The following SLC4A10 variants were observed in gnomAD, a reference collection of about 807,000 sequenced individuals.
The protein encoded by SLC4A10 is solute carrier family 4 member 10.
SLC4A10 carries 42 observed loss-of-function variants against 137.7 expected under a neutral mutation model. The ratio of observed to expected loss-of-function variants is 0.30; its 90% confidence interval spans 0.24 to 0.39. The LOEUF is 0.39. Among genes scored for constraint, SLC4A10 ranks in the 10% least tolerant of loss-of-function variants. The probability of loss-of-function intolerance (pLI) is 1.00; values close to 1 mark genes in which losing one functional copy is unlikely to be tolerated. For missense variants in SLC4A10, 925 were observed against 1,355.0 expected, an observed-to-expected ratio of 0.68 and a Z score of 4.98; for synonymous variants, 474 against 464.1, an observed-to-expected ratio of 1.02 and a Z score of -0.27.
intron 2 of SLC4A10, among the ~76,000 whole-genome samples, chr2:161,798,849 A>G (rs912548395): frequency 6.7e-6 from 1 of 149,178 alleles, no homozygotes; most frequent in Non-Finnish European, 1.5e-5. Flanking sequence ...TCTAACAGAG[A>G]TTCTATAGGA....
At chr2:161,888,825 G>A (rs144781346) in intron 10 of SLC4A10, among the ~76,000 whole-genome samples, 10,415 of 152,120 alleles carry the variant, frequency 0.068, 461 homozygotes, top group East Asian at 0.13. Flanking sequence ...TACTATGTTG[G>A]ATAGGAGTGG....
chr2:161,845,169 G>A (rs1198601287), intron 4 of SLC4A10, among the ~76,000 whole-genome samples: 1 of 152,036 alleles, frequency 6.6e-6, no homozygotes, highest in Non-Finnish European at 1.5e-5. Flanking sequence ...TCCCAGATCT[G>A]TTCATGTCTA....
chr2:161,953,383 G>C lies in SLC4A10; in HGVS notation c.2541+2535G>C, dbSNP rs533040391. 2.0e-5 allele frequency among the ~76,000 whole-genome samples: 3 copies of C among 152,262 alleles called. No individual in the cohort carries two copies. In the East Asian group the frequency reaches 5.8e-4, roughly 29 times the overall value. On this transcript the variant is annotated intron_variant, in intron 19 of 26. Transcript: ENST00000446997. ...CCAGCACTTTGGGAGGCCGAGACAGGTGGATCACGAGGTCAGGAGTTAGAG... is the reference window on the plus strand; with the variant it reads ...CCAGCACTTTGGGAGGCCGAGACAGCTGGATCACGAGGTCAGGAGTTAGAG...
At chr2:161,922,093 C>T (rs1053163791) in intron 15 of SLC4A10, among the ~76,000 whole-genome samples, 14 of 152,088 alleles carry the variant, frequency 9.2e-5, no homozygotes, top group Admixed American at 4.6e-4. Context: ...ATACAAATGA[C>T]GTAAGTGCTA....
intron 1 of SLC4A10, among the ~76,000 whole-genome samples, chr2:161,753,341 G>A (rs1465918274): frequency 6.6e-6 from 1 of 152,134 alleles, no homozygotes; most frequent in East Asian, 1.9e-4. Context: ...TGATCACACT[G>A]ACTTATTTCC....
chr2:161,816,780 T>TCATC (rs1559315735), intron 3 of SLC4A10, among the ~76,000 whole-genome samples: 2 of 152,100 alleles, frequency 1.3e-5, no homozygotes, highest in African/African-American at 4.8e-5. Context: ...GTTTCCAGCT[T>TCATC]CATCCATGTC....
chr2:161,862,098 C>T (rs550277819), intron 5 of SLC4A10, among the ~76,000 whole-genome samples: 10 of 152,092 alleles, frequency 6.6e-5, no homozygotes, highest in Non-Finnish European at 1.2e-4. Context: ...CTTAAAATAC[C>T]TTTACTTATC....
intron 19 of SLC4A10, among the ~76,000 whole-genome samples, chr2:161,952,473 A>G (rs540051928): frequency 6.6e-6 from 1 of 152,336 alleles, no homozygotes; most frequent in African/African-American, 2.4e-5. Flanking sequence ...CAGAACTAGA[A>G]CTATTTTTGT....
chr2:161,867,150 A>G (rs938652743), intron 6 of SLC4A10, among the ~76,000 whole-genome samples: 10 of 151,980 alleles, frequency 6.6e-5, no homozygotes, highest in African/African-American at 2.4e-4. Context: ...GGTAGATTTC[A>G]GCCCTTAAAG....
chr2:161,845,963 G>A (rs1174265212), intron 4 of SLC4A10, among the ~76,000 whole-genome samples: 3 of 152,066 alleles, frequency 2.0e-5, no homozygotes, highest in African/African-American at 4.8e-5. Context: ...ATTCGTAAAA[G>A]GAAATATTTA....
chr2:161,729,040 A>T (rs1046368988), intron 1 of SLC4A10, among the ~76,000 whole-genome samples: 2 of 152,168 alleles, frequency 1.3e-5, no homozygotes, highest in African/African-American at 4.8e-5. Context: ...AAATAGAAGG[A>T]AACTTCTTCA....
In SLC4A10 at chr2:161,863,078, T is replaced by C. The variant is rs1374760438; in HGVS notation, c.766+16T>C. 1 of 1,611,590 alleles carries C rather than the reference T, an allele frequency of 6.2e-7. No homozygotes were observed. Among genetic ancestry groups the C allele is most frequent in the Non-Finnish European group, 8.5e-7 (1 of 1,178,356 alleles). On this transcript the variant is annotated intron_variant, in intron 6 of 26. Transcript: ENST00000446997. ...GACAAAAATGGTAAATGTTTATTTA[T>C]TGTGCTCTTTATGTCTACTATAGGT...
intron 26 of SLC4A10, among the ~76,000 whole-genome samples, chr2:161,978,302 G>T (rs1032829495): frequency 6.9e-6 from 1 of 145,402 alleles, no homozygotes; most frequent in Non-Finnish European, 1.5e-5. Flanking sequence ...CAGGAGGATC[G>T]CTTGAGCCCA....
intron 1 of SLC4A10, among the ~76,000 whole-genome samples, chr2:161,728,777 C>T (rs1462963616): frequency 1.3e-5 from 2 of 151,976 alleles, no homozygotes; most frequent in Non-Finnish European, 2.9e-5. Context: ...AACTAATATC[C>T]CTCATGAACA....
intron 8 of SLC4A10, among the ~76,000 whole-genome samples, chr2:161,876,524 G>T (rs2061457535): frequency 6.6e-6 from 1 of 151,844 alleles, no homozygotes; most frequent in Non-Finnish European, 1.5e-5. Context: ...ACAAAATCTA[G>T]AAAAAATCAG....
intron 16 of SLC4A10, among the ~76,000 whole-genome samples, chr2:161,944,265 C>A (rs1442084181): frequency 6.6e-6 from 1 of 151,814 alleles, no homozygotes; most frequent in African/African-American, 2.4e-5. Context: ...GGTCTTCTGT[C>A]TACACTTTCT....
rs75037320 is a variant in SLC4A10, at chr2:161,917,433, A to G, written c.1997+11546A>G. On this transcript the variant is annotated intron_variant, in intron 15 of 26. Transcript: ENST00000446997. ...GATAGTTAGATAGTTGTAGATACCT[A>G]GAAACAAGATTGCTAGGTTACATAA... 4.2e-3 allele frequency among the ~76,000 whole-genome samples: 643 copies of G among 152,198 alleles called. 5 individuals are homozygous for G. The highest frequency in any genetic ancestry group is 0.015 in the African/African-American group (611 of 41,500).
chr2:161,708,008 G>A lies in SLC4A10; in HGVS notation c.49-62965G>A, dbSNP rs1271343971. 2.0e-5 allele frequency among the ~76,000 whole-genome samples: 3 copies of A among 149,136 alleles called. No homozygotes were observed. The Admixed American group carries it at 2.0e-4, about 10-fold the overall frequency. ...CTTCAAGAGAGTACAATTTTGCTTGGTAAATCTTTTGCATGTTAAACTTTT... is the reference window on the plus strand; with the variant it reads ...CTTCAAGAGAGTACAATTTTGCTTGATAAATCTTTTGCATGTTAAACTTTT... On this transcript the variant is annotated intron_variant, in intron 1 of 26. Coordinates refer to ENST00000446997, the MANE Select transcript of SLC4A10 (RefSeq NM_001178015.2).
intron 21 of SLC4A10, among the ~76,000 whole-genome samples, chr2:161,961,638 A>G (rs974963853): frequency 5.9e-5 from 9 of 151,498 alleles, no homozygotes; most frequent in African/African-American, 2.2e-4. Context: ...CCAGGCTCAC[A>G]TAAATACAGC....
Sources: gnomAD v4.1 joint callset for allele counts (sites outside exome capture counted in the v4.1 genomes callset) on GRCh38, gnomAD v4.1.1 for gene constraint, MANE v1.5 for transcripts, NCBI Gene and HGNC (gene_info 2026-07-23, HGNC 2026-07-21) for gene names.